ZNF516: variants seen among roughly 807,000 people sequenced by gnomAD.
ZNF516 encodes zinc finger protein 516.
In ZNF516, 19 loss-of-function variants were observed where a neutral mutation model predicts 79.7. That is an observed-to-expected ratio of 0.24 (90% CI 0.17 to 0.35). The LOEUF (loss-of-function observed/expected upper bound fraction) is 0.35, where lower values mean the gene tolerates loss of function less well. Among genes scored for constraint, ZNF516 ranks in the 10% least tolerant of loss-of-function variants. ZNF516 has a pLI of 1.00. For synonymous variants in ZNF516, 877 were observed against 739.5 expected (o/e 1.19, Z -3.02); for missense variants, 1,678 against 1,679.5 (o/e 1.00, Z 0.02).
intron 3 of ZNF516, among the ~76,000 whole-genome samples, chr18:76,396,782 G>C (rs889229664): frequency 6.6e-6 from 1 of 152,198 alleles, no homozygotes. Flanking sequence ...GTGGAGAAGA[G>C]AGGCCATTCC....
At chr18:76,439,831 C>T (rs1482382218) in intron 3 of ZNF516, among the ~76,000 whole-genome samples, 1 of 152,192 alleles carries the variant, frequency 6.6e-6, no homozygotes, top group East Asian at 1.9e-4. Context: ...CAGAGTATTA[C>T]TGGAACATAA....
chr18:76,378,775 G>A (rs2074832245), intron 4 of ZNF516, 80 bp downstream of exon 4: 11 of 1,518,178 alleles, frequency 7.2e-6, no homozygotes, highest in Admixed American at 4.1e-5. Context: ...GGACAGGCAG[G>A]TGCGCAGCAG....
chr18:76,411,822 A>C (rs1318501782), intron 3 of ZNF516, among the ~76,000 whole-genome samples: 1 of 152,226 alleles, frequency 6.6e-6, no homozygotes, highest in Non-Finnish European at 1.5e-5. Context: ...GTGGGGAGAC[A>C]GTGCCTGAAA....
intron 2 of ZNF516, among the ~76,000 whole-genome samples, chr18:76,456,149 G>A (rs980434552): frequency 2.0e-5 from 3 of 152,206 alleles, no homozygotes; most frequent in South Asian, 2.1e-4. Context: ...GAGCCCTGGC[G>A]AACGTGAAAC....
At chr18:76,407,017 G>C (rs1478754976) in intron 3 of ZNF516, among the ~76,000 whole-genome samples, 2 of 152,208 alleles carry the variant, frequency 1.3e-5, no homozygotes, top group African/African-American at 4.8e-5. Context: ...ACCTCGCCCA[G>C]ACAGAATCCA....
At chr18:76,481,991 G>C (rs1914549275) in intron 1 of ZNF516, among the ~76,000 whole-genome samples, 1 of 152,134 alleles carries the variant, frequency 6.6e-6, no homozygotes, top group Non-Finnish European at 1.5e-5. Flanking sequence ...AGCTACAATA[G>C]CTTTTGCCTT....
Position 76,467,434 on chromosome 18 carries a change from A to G in ZNF516, c.-271-4293T>C. On this transcript the variant is annotated intron_variant, in intron 1 of 6. Coordinates refer to ENST00000443185, the MANE Select transcript of ZNF516 (RefSeq NM_014643.4). This position sits in a 1 kb window ranked among gnomAD's most constrained non-coding sequence, Gnocchi z 4.2. Reference sequence around the variant, plus strand: ...TCCCAGAGAGGAAATGATTTGGGCAAACGCTCTGCCCTGAGATCTCTCTCG... The same window carrying G: ...TCCCAGAGAGGAAATGATTTGGGCAGACGCTCTGCCCTGAGATCTCTCTCG... Among the ~76,000 whole-genome samples the G allele has an allele frequency of 6.6e-6, 1 of 152,146 alleles. No homozygotes were observed. Among genetic ancestry groups the G allele is most frequent in the Non-Finnish European group, 1.5e-5 (1 of 68,018 alleles).
chr18:76,420,008 G>T (rs889338118), intron 3 of ZNF516, among the ~76,000 whole-genome samples: 2 of 152,248 alleles, frequency 1.3e-5, no homozygotes, highest in African/African-American at 4.8e-5. Flanking sequence ...CCTCACACAG[G>T]TGATCATGAG....
At chr18:76,391,881 C>T (rs548280496) in intron 3 of ZNF516, among the ~76,000 whole-genome samples, 59 of 152,338 alleles carry the variant, frequency 3.9e-4, no homozygotes, top group Admixed American at 1.2e-3. Flanking sequence ...CAGACAGAGA[C>T]AGGCAGAGCC....
rs1278813295 is a variant in ZNF516 at position 76,379,885 on chromosome 18, G to T, written c.2229C>A (p.Asp743Glu). 6.2e-7 allele frequency: 1 copy of T among 1,613,842 alleles called. No homozygotes were observed. Among genetic ancestry groups the T allele is most frequent in the Non-Finnish European group, 8.5e-7 (1 of 1,179,904 alleles). Residue 743 changes from aspartate to glutamate, a missense_variant, in exon 4 of 7, where the codon GAC becomes GAA. Physicochemically the swap from Asp to Glu is conservative, Grantham distance 45. This residue lies in a region of ZNF516 where 1,294 missense variants were observed against 1,248.3 expected (regional missense o/e 1.04). Coordinates refer to ENST00000443185, the MANE Select transcript of ZNF516 (RefSeq NM_014643.4). The part of the protein sequence containing the change: ...LDLSARSTRD[D>E]PSNKETASSL... Reference sequence around the variant, plus strand: ...AGGAGGCCGTCTCCTTATTGCTGGGGTCATCCCGCGTCGACCTCGCACTTA... The same window carrying T: ...AGGAGGCCGTCTCCTTATTGCTGGGTTCATCCCGCGTCGACCTCGCACTTA...
At chr18:76,411,601 A>T (rs747862239) in intron 3 of ZNF516, among the ~76,000 whole-genome samples, 1 of 152,248 alleles carries the variant, frequency 6.6e-6, no homozygotes, top group South Asian at 2.1e-4. Context: ...CGCCAAAAGC[A>T]TGGAAGGATG....
chr18:76,383,106 C>T (rs567766055), intron 3 of ZNF516, among the ~76,000 whole-genome samples: 16 of 150,070 alleles, frequency 1.1e-4, no homozygotes, highest in Middle Eastern at 3.5e-3. Flanking sequence ...CGAGAGTGAA[C>T]GGCAAAATGC....
chr18:76,453,336 C>T (rs1415196989), intron 2 of ZNF516, among the ~76,000 whole-genome samples: 1 of 152,126 alleles, frequency 6.6e-6, no homozygotes, highest in Admixed American at 6.5e-5. Context: ...GCATCTCCCC[C>T]AAACCCACGG....
chr18:76,425,152 T>A (rs570262763), intron 3 of ZNF516, among the ~76,000 whole-genome samples: 6 of 149,504 alleles, frequency 4.0e-5, no homozygotes, highest in South Asian at 4.2e-4. Flanking sequence ...ACCTTCTACA[T>A]CAATTATACA....
intron 1 of ZNF516, among the ~76,000 whole-genome samples, chr18:76,466,742 A>C (rs1913497050): frequency 1.3e-5 from 2 of 152,324 alleles, no homozygotes; most frequent in African/African-American, 4.8e-5. Context: ...GGGCTGGAAA[A>C]GTAGAGAAGG....
chr18:76,438,832 T>G (rs978945441), intron 3 of ZNF516, among the ~76,000 whole-genome samples: 2 of 152,338 alleles, frequency 1.3e-5, no homozygotes, highest in Non-Finnish European at 2.9e-5. Context: ...AATGGTCGCA[T>G]AGATCTGAAT....
chr18:76,415,708 T>G (rs988923400), intron 3 of ZNF516, among the ~76,000 whole-genome samples: 1 of 152,186 alleles, frequency 6.6e-6, no homozygotes, highest in African/African-American at 2.4e-5. Flanking sequence ...ACAAGCTTAC[T>G]GCAAATTGCA....
chr18:76,483,477 A>AGCATCTGTCCGTCATCG (rs1362550656), intron 1 of ZNF516, among the ~76,000 whole-genome samples: 1 of 151,796 alleles, frequency 6.6e-6, no homozygotes, highest in South Asian at 2.2e-4. Context: ...GTCCGTCATC[A>AGCATCTGTCCGTCATCG]GCATCTGTCC....
chr18:76,382,971 G>A (rs2145060927), intron 3 of ZNF516, among the ~76,000 whole-genome samples: 1 of 151,228 alleles, frequency 6.6e-6, no homozygotes, highest in South Asian at 2.1e-4. Flanking sequence ...TGGAGGGGGA[G>A]GCTGCAGTGA....
Sources: allele counts gnomAD v4.1 joint callset (sites outside exome capture counted in the v4.1 genomes callset), GRCh38; gene constraint gnomAD v4.1.1; regional missense constraint gnomAD v4.1.1; non-coding constraint Gnocchi (gnomAD v3.1); transcripts MANE v1.5; gene names NCBI Gene and HGNC (gene_info 2026-07-23, HGNC 2026-07-21).